Variants in SLC26A11 observed in about 807,000 individuals in gnomAD.
SLC26A11 encodes the protein sodium-independent sulfate anion transporter.
Under a neutral mutation model 62.2 loss-of-function variants are expected in SLC26A11, and 58 were observed. The ratio of observed to expected loss-of-function variants is 0.93; its 90% CI spans 0.76 to 1.16. The LOEUF (loss-of-function observed/expected upper bound fraction) is 1.16, where lower values mean the gene tolerates loss of function less well. Ranked by LOEUF, SLC26A11 falls within the 50% of genes most tolerant of loss-of-function variation. SLC26A11 has a pLI of 0.00. For synonymous variants in SLC26A11, 411 were observed against 368.9 expected (o/e 1.11, Z -1.31); for missense variants, 790 against 794.3 (o/e 0.99, Z 0.06).
chr17:80,246,246 T>TGAGAGTGG lies in SLC26A11; in HGVS notation c.1153+42_1153+49dup, dbSNP rs1304231869. 1 of 1,593,240 alleles carries TGAGAGTGG rather than the reference T, an allele frequency of 6.3e-7. No individual in the cohort carries two copies. Among genetic ancestry groups the TGAGAGTGG allele is most frequent in the Non-Finnish European group, 8.5e-7 (1 of 1,171,184 alleles). ...CATCTTCCCCTTGTGCCCGCAGCCC[T>TGAGAGTGG]GAGAGTGGGAGAAAGGGAGGAGGGG... On this transcript the variant is annotated intron_variant, in intron 12 of 17. Transcript: ENST00000361193. The surrounding 1 kb of genome is among the most constrained non-coding windows in gnomAD (Gnocchi z 4.4).
In SLC26A11 at chr17:80,222,134, T is replaced by A. The variant is rs2042230476; in HGVS notation, c.234+340T>A. ...GCTCAAGCCTGTAATCCCAGCACTT[T>A]GGGAGGCCGAGGCAGGCGGATCGCA... On this transcript the variant is annotated intron_variant, in intron 3 of 17. Coordinates refer to ENST00000361193, the MANE Select transcript of SLC26A11 (RefSeq NM_001166347.2). This position sits in a 1 kb window ranked among gnomAD's most constrained non-coding sequence, Gnocchi z 4.7. 4.0e-6 allele frequency: 1 copy of A among 247,768 alleles called. No individual in the cohort carries two copies. Among genetic ancestry groups the A allele is most frequent in the South Asian group, 8.9e-5 (1 of 11,294 alleles). 15.3% of individuals were successfully genotyped at this position (247,768 alleles called of 1,614,324 possible).
chr17:80,246,282 A>T lies in SLC26A11; in HGVS notation c.1153+73A>T. 4.5e-6 allele frequency: 7 copies of T among 1,549,582 alleles called. No homozygotes were observed. The highest frequency in any genetic ancestry group is 5.2e-6 in the Non-Finnish European group (6 of 1,144,986). On this transcript the variant is annotated intron_variant, in intron 12 of 17. Coordinates refer to ENST00000361193, the MANE Select transcript of SLC26A11 (RefSeq NM_001166347.2). This position sits in a 1 kb window ranked among gnomAD's most constrained non-coding sequence, Gnocchi z 4.4. ...GAAAGGGAGGAGGGGGCCCACAGAG[A>T]CGTCCCTTTGGCTCATGGGCCGTGC...
intron 16 of SLC26A11, among the ~76,000 whole-genome samples, chr17:80,250,796 C>T (rs749442756): frequency 1.3e-5 from 2 of 151,816 alleles, no homozygotes; most frequent in Non-Finnish European, 2.9e-5. Flanking sequence ...CATTGCACTC[C>T]AGCCTGGGTA....
chr17:80,227,802 C>G lies in SLC26A11; in HGVS notation c.594-16C>G, dbSNP rs375082005. 6.2e-7 allele frequency: 1 copy of G among 1,603,306 alleles called. No homozygotes were observed. Among genetic ancestry groups the G allele is most frequent in the East Asian group, 2.2e-5 (1 of 44,876 alleles). The stretch of plus-strand genomic sequence containing the variant: ...GGGCCGAGCTGGGTGGTGACCAGTC[C>G]TCTGCCTGTCCACAGGGTAGGTGAC... On this transcript the variant is annotated splice_polypyrimidine_tract_variant and intron_variant, in intron 6 of 17. Coordinates refer to ENST00000361193, the MANE Select transcript of SLC26A11 (RefSeq NM_001166347.2).
chr17:80,230,686 G>A (rs527358321), intron 7 of SLC26A11, among the ~76,000 whole-genome samples: 3 of 152,238 alleles, frequency 2.0e-5, no homozygotes, highest in South Asian at 2.1e-4. Context: ...CAGTGTCTCC[G>A]CAGCCAGAAA....
At chr17:80,221,284 T>G in intron 2 of SLC26A11, 169 bp downstream of exon 2, 3 of 440,798 alleles carry the variant, frequency 6.8e-6, no homozygotes, top group South Asian at 5.0e-5. Flanking sequence ...TCTGGGAGAG[T>G]TGAGGATGGA....
intron 13 of SLC26A11, among the ~76,000 whole-genome samples, chr17:80,247,060 T>A (rs1401681357): frequency 6.6e-6 from 1 of 151,640 alleles, no homozygotes; most frequent in Non-Finnish European, 1.5e-5. Context: ...AGTTCCTTTT[T>A]TTTTTTTTAT....
chr17:80,249,143 T>C lies in SLC26A11; in HGVS notation c.1523-11T>C, dbSNP rs1394713704. ...TGGGTGGCGTGACCTGGCTCGGGCC[T>C]GTCTCCCCAGTGTCCCCGCCACGCT... On this transcript the variant is annotated splice_polypyrimidine_tract_variant and intron_variant, in intron 15 of 17. Coordinates refer to ENST00000361193, the MANE Select transcript of SLC26A11 (RefSeq NM_001166347.2). 6.2e-7 allele frequency: 1 copy of C among 1,602,892 alleles called. No homozygotes were observed. The highest frequency in any genetic ancestry group is 8.5e-7 in the Non-Finnish European group (1 of 1,178,874).
rs1555629117 is a variant in SLC26A11, at chr17:80,238,811, G to GGTTTTTTTTTTTTTTTTTTTTTT, written c.985+1217_985+1218insGTTTTTTTTTTTTTTTTTTTTTT. The stretch of plus-strand genomic sequence containing the variant: ...TCTAACCCTTACCCCCTTCAAAGGA[G>GGTTTTTTTTTTTTTTTTTTTTTT]TTTTTTTTGTTTTTTGTTTTTTTTT... On this transcript the variant is annotated intron_variant, in intron 9 of 17. Transcript: ENST00000361193. 1.9e-4 allele frequency among the ~76,000 whole-genome samples: 24 copies of GGTTTTTTTTTTTTTTTTTTTTTT among 123,264 alleles called. 1 individual carries two copies. Among genetic ancestry groups the GGTTTTTTTTTTTTTTTTTTTTTT allele is most frequent in the African/African-American group, 8.2e-4 (24 of 29,232 alleles). 80.9% of individuals were successfully genotyped at this position (123,264 alleles called of 152,430 possible). A position where few individuals can be genotyped will look rare whatever the true frequency, so the allele number is the denominator to read the frequency against.
intron 7 of SLC26A11, among the ~76,000 whole-genome samples, chr17:80,229,726 G>T (rs71389743): frequency 0.034 from 5,221 of 152,256 alleles, 121 homozygotes; most frequent in Middle Eastern, 0.054. Flanking sequence ...CACTGCGCCT[G>T]GCCTATGCCT....
intron 5 of SLC26A11, among the ~76,000 whole-genome samples, chr17:80,224,512 G>A (rs1028481762): frequency 2.6e-5 from 4 of 152,248 alleles, no homozygotes; most frequent in Admixed American, 6.5e-5. Flanking sequence ...CTCTTGCTAC[G>A]TGCGAGGCAC....
Position 80,222,635 on chromosome 17 carries a change from A to C in SLC26A11, c.235-20A>C. 6.2e-7 allele frequency: 1 copy of C among 1,609,442 alleles called. No individual in the cohort carries two copies. The highest frequency in any genetic ancestry group is 8.5e-7 in the Non-Finnish European group (1 of 1,177,122). On this transcript the variant is annotated intron_variant, in intron 3 of 17. Coordinates refer to ENST00000361193, the MANE Select transcript of SLC26A11 (RefSeq NM_001166347.2). The surrounding 1 kb of genome is among the most constrained non-coding windows in gnomAD (Gnocchi z 4.7). ...ATGGGCCTCGGCCTCCTGAGTGCTC[A>C]CCACCCTCTCTCCCCACAGTATGGC...
At chr17:80,225,179 C>A (rs1174082091) in intron 5 of SLC26A11, among the ~76,000 whole-genome samples, 1 of 151,826 alleles carries the variant, frequency 6.6e-6, no homozygotes, top group Non-Finnish European at 1.5e-5. Context: ...CACCCCCCAA[C>A]CCCCCGCCGC....
chr17:80,233,228 G>A (rs2042606378), intron 7 of SLC26A11, among the ~76,000 whole-genome samples: 1 of 151,842 alleles, frequency 6.6e-6, no homozygotes, highest in African/African-American at 2.4e-5. Flanking sequence ...CAAACTCCTG[G>A]GCTCAAGTAA....
chr17:80,226,002 C>G (rs1191332890), intron 6 of SLC26A11, 86 bp downstream of exon 6: 7 of 1,252,898 alleles, frequency 5.6e-6, no homozygotes, highest in Non-Finnish European at 8.1e-6. Context: ...TTTCCCCACC[C>G]CTGGTGACTG....
intron 10 of SLC26A11, among the ~76,000 whole-genome samples, chr17:80,244,465 T>G (rs1233059764): frequency 6.6e-6 from 1 of 152,130 alleles, no homozygotes; most frequent in South Asian, 2.1e-4. Context: ...CACCCCCTCC[T>G]GGGTGGTGAG....
Position 80,252,772 on chromosome 17 carries a change from CTG to C in SLC26A11, c.*59_*60del, listed in dbSNP as rs2043186673. The C allele has an allele frequency of 6.7e-7, 1 of 1,495,558 alleles. No individual in the cohort carries two copies. Among genetic ancestry groups the C allele is most frequent in the Non-Finnish European group, 9.2e-7 (1 of 1,081,976 alleles). The allele number at this position is 1,495,558 out of a possible 1,614,324, so 92.6% of individuals were successfully genotyped here. On this transcript the variant is annotated 3_prime_UTR_variant, in exon 18 of 18. Coordinates refer to ENST00000361193, the MANE Select transcript of SLC26A11 (RefSeq NM_001166347.2). This position sits in a 1 kb window ranked among gnomAD's most constrained non-coding sequence, Gnocchi z 5.2. The stretch of plus-strand genomic sequence containing the variant: ...AGGGTGTTCCGGAAGGTTCTTGTCA[CTG>C]TGATTGGATGCTGGATGCCGCCTGA...
At chr17:80,238,879 G>C (rs946392843) in intron 9 of SLC26A11, among the ~76,000 whole-genome samples, 2 of 141,064 alleles carry the variant, frequency 1.4e-5, no homozygotes, top group Non-Finnish European at 3.0e-5. Context: ...AGGCTGGAGT[G>C]CAGTGGCACG....
chr17:80,243,845 G>A (rs544934658), intron 10 of SLC26A11, among the ~76,000 whole-genome samples: 7 of 152,332 alleles, frequency 4.6e-5, no homozygotes, highest in South Asian at 4.1e-4. Flanking sequence ...CTCAGCAGCC[G>A]CACAGCAAGA....
Sources: allele counts gnomAD v4.1 joint callset (sites outside exome capture counted in the v4.1 genomes callset), GRCh38; gene constraint gnomAD v4.1.1; non-coding constraint Gnocchi (gnomAD v3.1); transcripts MANE v1.5; gene names NCBI Gene and HGNC (gene_info 2026-07-23, HGNC 2026-07-21).